The following HPSE2 variants were observed in gnomAD, a reference collection of about 807,000 sequenced individuals.
HPSE2 encodes heparanase 2 (inactive), also known as inactive heparanase-2.
Under a neutral mutation model 60.5 loss-of-function variants are expected in HPSE2, and 38 were observed. The observed-to-expected ratio is 0.63, with a 90% confidence interval of 0.48 to 0.82. The LOEUF is 0.82. HPSE2 is among the 40% of genes least tolerant of loss of function. The pLI is 0.00. For synonymous variants in HPSE2, 295 were observed against 293.2 expected, an observed-to-expected ratio of 1.01 and a Z score of -0.06; for missense variants, 713 against 740.4, an observed-to-expected ratio of 0.96 and a Z score of 0.43.
At chr10:98,790,988 T>G (rs1294645565) in intron 3 of HPSE2, among the ~76,000 whole-genome samples, 1 of 152,118 alleles carries the variant, frequency 6.6e-6, no homozygotes, top group African/African-American at 2.4e-5. Context: ...GGTGATGAGG[T>G]ATGTCAAAGC....
chr10:99,071,420 A>G (rs554361957), intron 3 of HPSE2, among the ~76,000 whole-genome samples: 1 of 152,220 alleles, frequency 6.6e-6, no homozygotes, highest in East Asian at 1.9e-4. Context: ...GACTGCAACT[A>G]TTTCACATTC....
intron 3 of HPSE2, among the ~76,000 whole-genome samples, chr10:99,101,025 T>G (rs1427238597): frequency 6.6e-6 from 1 of 152,178 alleles, no homozygotes; most frequent in Admixed American, 6.5e-5. Context: ...TACCAGCCAC[T>G]GCAAAAACAT....
intron 10 of HPSE2, among the ~76,000 whole-genome samples, chr10:98,488,744 T>C (rs933761065): frequency 6.6e-5 from 10 of 152,242 alleles, no homozygotes; most frequent in African/African-American, 2.4e-4. Context: ...CCTTGTGTGA[T>C]GATCAGATAA....
intron 3 of HPSE2, among the ~76,000 whole-genome samples, chr10:99,114,110 A>G (rs1322751276): frequency 6.6e-6 from 1 of 152,232 alleles, no homozygotes; most frequent in East Asian, 1.9e-4. Context: ...CTCAGAATAA[A>G]CCAGAATTGT....
At position 98,940,584 on chromosome 10, in the gene HPSE2, A is replaced by T. The variant is rs538682896; in HGVS notation, c.611-196528T>A. On this transcript the variant is annotated intron_variant, in intron 3 of 11. Coordinates refer to ENST00000370552, the MANE Select transcript of HPSE2 (RefSeq NM_021828.5). Reference sequence around the variant, plus strand: ...AATAACAGGCTCTGAAATTGTGGCAATAATCAATAGCTTACCAACCAAAAA... The same window carrying T: ...AATAACAGGCTCTGAAATTGTGGCATTAATCAATAGCTTACCAACCAAAAA... 9.1e-5 allele frequency among the ~76,000 whole-genome samples: 13 copies of T among 142,278 alleles called. 1 individual carries two copies. The East Asian group carries it at 2.4e-3, about 26-fold the overall frequency. 93.3% of individuals were successfully genotyped at this position (142,278 alleles called of 152,430 possible). A position where few individuals can be genotyped will look rare whatever the true frequency, so the allele number is the denominator to read the frequency against.
chr10:99,230,446 G>A (rs1031812198), intron 2 of HPSE2, among the ~76,000 whole-genome samples: 2 of 152,174 alleles, frequency 1.3e-5, no homozygotes, highest in Middle Eastern at 3.4e-3. Context: ...GACAAAACAA[G>A]AAAAGGATTC....
At chr10:98,883,997 A>T (rs561992819) in intron 3 of HPSE2, among the ~76,000 whole-genome samples, 1 of 152,130 alleles carries the variant, frequency 6.6e-6, no homozygotes, top group Non-Finnish European at 1.5e-5. Context: ...TAAAGAAAAA[A>T]GTTATTGAAG....
At chr10:98,538,475 C>A (rs1943357996) in intron 9 of HPSE2, among the ~76,000 whole-genome samples, 1 of 152,108 alleles carries the variant, frequency 6.6e-6, no homozygotes, top group South Asian at 2.1e-4. Flanking sequence ...CAGCTAAGAG[C>A]AAACAAGGCA....
chr10:98,628,566 G>A (rs546014769), intron 7 of HPSE2, among the ~76,000 whole-genome samples: 2 of 152,276 alleles, frequency 1.3e-5, no homozygotes, highest in Non-Finnish European at 2.9e-5. Context: ...TTACTTAAGT[G>A]AAGGTAAAGG....
intron 5 of HPSE2, among the ~76,000 whole-genome samples, chr10:98,714,457 T>C (rs1175938156): frequency 1.3e-5 from 2 of 151,950 alleles, no homozygotes; most frequent in African/African-American, 2.4e-5. Flanking sequence ...AACCATACAA[T>C]GTATGGCCTT....
At position 98,978,034 on chromosome 10, in the gene HPSE2, G is replaced by A. The variant is rs372316178; in HGVS notation, c.610+166204C>T. On this transcript the variant is annotated intron_variant, in intron 3 of 11. Coordinates refer to ENST00000370552, the MANE Select transcript of HPSE2 (RefSeq NM_021828.5). ...TTTTTCAAATGGAGAAAACAAACTCGGAGACAATAAATATAATGCCCAAAT... is the reference window on the plus strand; with the variant it reads ...TTTTTCAAATGGAGAAAACAAACTCAGAGACAATAAATATAATGCCCAAAT... Among the ~76,000 whole-genome samples the A allele has an allele frequency of 6.1e-4, 93 of 151,802 alleles. No individual in the cohort carries two copies. In the South Asian group the frequency reaches 7.7e-3, roughly 13 times the overall value.
chr10:98,955,052 C>T (rs1955469919), intron 3 of HPSE2, among the ~76,000 whole-genome samples: 1 of 150,082 alleles, frequency 6.7e-6, no homozygotes, highest in African/African-American at 2.4e-5. Flanking sequence ...ATTACTCTAT[C>T]CAAAAGAATG....
chr10:98,846,191 T>C (rs548916848), intron 3 of HPSE2, among the ~76,000 whole-genome samples: 5 of 152,342 alleles, frequency 3.3e-5, no homozygotes, highest in African/African-American at 1.2e-4. Context: ...CAAAAGCCTA[T>C]ACCAGCTTTT....
At position 99,005,249 on chromosome 10, in the gene HPSE2, C is replaced by T. The variant is rs1049188259; in HGVS notation, c.610+138989G>A. Among the ~76,000 whole-genome samples the T allele has an allele frequency of 1.8e-4, 17 of 92,182 alleles. No individual in the cohort carries two copies. In the East Asian group the frequency reaches 5.5e-3, roughly 30 times the overall value. 60.5% of individuals were successfully genotyped at this position (92,182 alleles called of 152,430 possible). On this transcript the variant is annotated intron_variant, in intron 3 of 11. Transcript: ENST00000370552. ...ACTATTTCTTTCAGTAAGCTTTTTA[C>T]CCCATTTGTCTTTCTCTTCTTGAAA...
intron 2 of HPSE2, among the ~76,000 whole-genome samples, chr10:99,210,268 G>A (rs1466905783): frequency 6.6e-6 from 1 of 152,102 alleles, no homozygotes; most frequent in Non-Finnish European, 1.5e-5. Flanking sequence ...TAAGGAGACT[G>A]AATCAGAAAT....
intron 9 of HPSE2, among the ~76,000 whole-genome samples, chr10:98,548,344 C>G (rs11189672): frequency 0.45 from 68,861 of 152,000 alleles, 18,647 homozygotes; most frequent in South Asian, 0.59. Context: ...AGACTGGGTG[C>G]GGTGGCTCAC....
In HPSE2 at chr10:98,953,788, C is replaced by T. The variant is rs777665986; in HGVS notation, c.610+190450G>A. Among the ~76,000 whole-genome samples, 111 of 152,140 alleles carry T rather than the reference C, an allele frequency of 7.3e-4. 1 individual carries two copies. Among genetic ancestry groups the T allele is most frequent in the Non-Finnish European group, 1.2e-3 (85 of 68,028 alleles). On this transcript the variant is annotated intron_variant, in intron 3 of 11. Coordinates refer to ENST00000370552, the MANE Select transcript of HPSE2 (RefSeq NM_021828.5). Reference sequence around the variant, plus strand: ...GCTCAATAAACCTAGGTCTTCACCTCGGCTCTGCCTTTTGGTGACTACGCA... The same window carrying T: ...GCTCAATAAACCTAGGTCTTCACCTTGGCTCTGCCTTTTGGTGACTACGCA...
At chr10:99,006,809 C>T (rs957772243) in intron 3 of HPSE2, among the ~76,000 whole-genome samples, 4 of 152,036 alleles carry the variant, frequency 2.6e-5, no homozygotes, top group African/African-American at 9.7e-5. Flanking sequence ...CTGGGGTAGG[C>T]CTGGTATCGG....
chr10:99,083,179 C>G (rs1436267268), intron 3 of HPSE2, among the ~76,000 whole-genome samples: 1 of 152,132 alleles, frequency 6.6e-6, no homozygotes, highest in Non-Finnish European at 1.5e-5. Context: ...TATCCTGTTT[C>G]CATTGAGAAT....
Sources: allele counts gnomAD v4.1 joint callset (sites outside exome capture counted in the v4.1 genomes callset), GRCh38; gene constraint gnomAD v4.1.1; transcripts MANE v1.5; gene names NCBI Gene and HGNC (gene_info 2026-07-23, HGNC 2026-07-21).